Variants in SNX24 observed in about 807,000 individuals in gnomAD.
SNX24 encodes sorting nexin 24.
Under a neutral mutation model 28.7 loss-of-function variants are expected in SNX24, and 22 were observed. The ratio of observed to expected loss-of-function variants is 0.77; its 90% CI spans 0.55 to 1.10. The LOEUF (loss-of-function observed/expected upper bound fraction) is 1.10, where lower values mean the gene tolerates loss of function less well. SNX24 is among the 50% of genes least tolerant of loss of function. The probability of loss-of-function intolerance (pLI) is 0.00; values close to 1 mark genes in which losing one functional copy is unlikely to be tolerated. For synonymous variants in SNX24, 69 were observed against 71.5 expected (o/e 0.96, Z 0.18); for missense variants, 221 against 201.1 (o/e 1.10, Z -0.60).
At chr5:122,924,073 A>G (rs1758564534) in intron 1 of SNX24, among the ~76,000 whole-genome samples, 5 of 152,218 alleles carry the variant, frequency 3.3e-5, no homozygotes, top group Admixed American at 3.3e-4. Flanking sequence ...CAAATAATAC[A>G]GTAGTCCCCC....
chr5:123,017,139 G>T (rs1347641669), intron 5 of SNX24, among the ~76,000 whole-genome samples: 1 of 151,942 alleles, frequency 6.6e-6, no homozygotes, highest in Non-Finnish European at 1.5e-5. Flanking sequence ...ATTCACAAGT[G>T]GTGAACGGTA....
intron 3 of SNX24, among the ~76,000 whole-genome samples, chr5:122,994,723 A>G (rs1156531215): frequency 6.6e-6 from 1 of 152,204 alleles, no homozygotes; most frequent in Non-Finnish European, 1.5e-5. Context: ...GAAGTTTTTT[A>G]TAAATGCTTT....
chr5:122,921,713 G>A (rs1000159655), intron 1 of SNX24, among the ~76,000 whole-genome samples: 3 of 152,054 alleles, frequency 2.0e-5, no homozygotes, highest in Non-Finnish European at 4.4e-5. Context: ...TCCGGCTCTT[G>A]AGAATGGCAT....
chr5:122,951,885 C>T (rs569903707), intron 3 of SNX24, among the ~76,000 whole-genome samples: 4 of 152,194 alleles, frequency 2.6e-5, no homozygotes, highest in South Asian at 2.1e-4. Context: ...GCATGGGGTG[C>T]GCAGGGAAGC....
intron 1 of SNX24, among the ~76,000 whole-genome samples, chr5:122,890,289 C>T (rs1348707153): frequency 1.3e-5 from 2 of 152,116 alleles, no homozygotes; most frequent in Admixed American, 1.3e-4. Flanking sequence ...TAATTATTAA[C>T]TAACACTTGG....
chr5:122,862,319 GA>G (rs1013461262), intron 1 of SNX24, among the ~76,000 whole-genome samples: 10 of 151,478 alleles, frequency 6.6e-5, no homozygotes, highest in Admixed American at 4.6e-4. Flanking sequence ...AGTGACAAAA[GA>G]AAAAAAAGAA....
At chr5:122,915,447 A>C (rs1291905739) in intron 1 of SNX24, among the ~76,000 whole-genome samples, 1 of 152,024 alleles carries the variant, frequency 6.6e-6, no homozygotes, top group East Asian at 1.9e-4. Context: ...GCAACATAGC[A>C]AGTCCCCATC....
intron 1 of SNX24, among the ~76,000 whole-genome samples, chr5:122,902,113 ACTC>A (rs1488739252): frequency 3.3e-5 from 5 of 151,638 alleles, no homozygotes; most frequent in Non-Finnish European, 2.9e-5. Context: ...CCTTGTTCAC[ACTC>A]CTCCTTGTTC....
At chr5:123,024,703 TTAGA>T (rs1188538717) in intron 5 of SNX24, among the ~76,000 whole-genome samples, 1 of 152,216 alleles carries the variant, frequency 6.6e-6, no homozygotes, top group Admixed American at 6.5e-5. Context: ...CAAACTTGTG[TTAGA>T]TAGAATCAGA....
chr5:122,957,549 C>A, intron 3 of SNX24, among the ~76,000 whole-genome samples: 1 of 152,080 alleles, frequency 6.6e-6, no homozygotes, highest in East Asian at 1.9e-4. Context: ...TATATTTCTG[C>A]AAAAATAAAA....
intron 2 of SNX24, among the ~76,000 whole-genome samples, chr5:122,942,476 TTTCTTTTTCA>T (rs879945320): frequency 1.2e-4 from 18 of 152,258 alleles, no homozygotes; most frequent in Non-Finnish European, 2.4e-4. Context: ...TAACTTTTCT[TTTCTTTTTCA>T]TTCTTTTTAT....
At chr5:123,005,528 A>G (rs1762393998) in intron 6 of SNX24, among the ~76,000 whole-genome samples, 1 of 152,164 alleles carries the variant, frequency 6.6e-6, no homozygotes. Flanking sequence ...TACCCATAGT[A>G]TGTAATGTTA....
chr5:122,952,464 C>T (rs1759988823), intron 3 of SNX24, among the ~76,000 whole-genome samples: 3 of 152,188 alleles, frequency 2.0e-5, no homozygotes, highest in Admixed American at 2.0e-4. Flanking sequence ...GAAAAGCCCA[C>T]CTGACTGCGC....
intron 5 of SNX24, among the ~76,000 whole-genome samples, chr5:123,024,216 A>T (rs1454143706): frequency 6.6e-6 from 1 of 152,134 alleles, no homozygotes; most frequent in South Asian, 2.1e-4. Context: ...AATAAAATTC[A>T]CCCATGACCT....
intron 3 of SNX24, among the ~76,000 whole-genome samples, chr5:122,947,929 T>C (rs28891): frequency 0.19 from 28,151 of 152,166 alleles, 3,048 homozygotes; most frequent in East Asian, 0.43. Flanking sequence ...ACTTCGGATA[T>C]AAATATGTGC....
intron 5 of SNX24, among the ~76,000 whole-genome samples, chr5:123,019,706 G>A (rs1337005402): frequency 6.6e-6 from 1 of 152,214 alleles, no homozygotes; most frequent in East Asian, 1.9e-4. Flanking sequence ...GGGCTTGGTG[G>A]TGGTGTCCAG....
intron 3 of SNX24, among the ~76,000 whole-genome samples, chr5:122,964,576 G>A (rs901626334): frequency 2.0e-5 from 3 of 151,892 alleles, no homozygotes; most frequent in Non-Finnish European, 2.9e-5. Flanking sequence ...ACTTAAAAAT[G>A]TACCATATGC....
chr5:122,900,390 C>T (rs1757384630), intron 1 of SNX24, among the ~76,000 whole-genome samples: 1 of 152,042 alleles, frequency 6.6e-6, no homozygotes, highest in Non-Finnish European at 1.5e-5. Context: ...AAATGAAGAA[C>T]AGAGAACATG....
intron 5 of SNX24, chr5:123,028,957 A>C (rs981799170): frequency 1.0e-4 from 111 of 1,114,684 alleles, no homozygotes; most frequent in Non-Finnish European, 1.0e-5. Context: ...CAAACTGAGA[A>C]AATTAAACAA....
Sources: gnomAD v4.1 joint callset for allele counts (sites outside exome capture counted in the v4.1 genomes callset) on GRCh38, gnomAD v4.1.1 for gene constraint, MANE v1.5 for transcripts, NCBI Gene and HGNC (gene_info 2026-07-23, HGNC 2026-07-21) for gene names.